Variants in LARGE1 observed in about 807,000 individuals in gnomAD.
The protein encoded by LARGE1 is xylosyl- and glucuronyltransferase LARGE1.
Under a neutral mutation model 87.6 loss-of-function variants are expected in LARGE1, and 43 were observed. The observed-to-expected ratio is 0.49, with a 90% CI of 0.38 to 0.63. The LOEUF (loss-of-function observed/expected upper bound fraction) is 0.63, where lower values mean the gene tolerates loss of function less well. Ranked by LOEUF, LARGE1 falls within the 30% of genes least tolerant of loss-of-function variation. LARGE1 has a pLI of 0.00. For synonymous variants in LARGE1, 434 were observed against 394.6 expected, an observed-to-expected ratio of 1.10 and a Z score of -1.18; for missense variants, 802 against 1,000.2, an observed-to-expected ratio of 0.80 and a Z score of 2.67.
At chr22:33,105,700 A>G in the LARGE1 span, 1 of 152,224 alleles carries the variant, frequency 6.6e-6, no homozygotes, top group African/African-American at 2.4e-5. Context: ...TGTAAGAAAC[A>G]TCCCGTTGCG....
At chr22:33,799,583 G>C (rs772487409) in intron 1 of LARGE1, among the ~76,000 whole-genome samples, 15 of 152,186 alleles carry the variant, frequency 9.9e-5, no homozygotes, top group Middle Eastern at 6.8e-3. Context: ...TGGGATTACA[G>C]GCATGCACCA....
chr22:33,793,861 G>A (rs2085898001), intron 1 of LARGE1, among the ~76,000 whole-genome samples: 2 of 151,770 alleles, frequency 1.3e-5, no homozygotes, highest in Non-Finnish European at 2.9e-5. Context: ...GGTGGTGTGA[G>A]AATCTCTTGC....
chr22:33,874,358 T>A (rs1208335079), intron 1 of LARGE1, among the ~76,000 whole-genome samples: 2 of 152,130 alleles, frequency 1.3e-5, no homozygotes, highest in East Asian at 3.9e-4. Flanking sequence ...CCAGGACACC[T>A]CCTCTTCCAG....
chr22:33,410,332 C>T lies in LARGE1; in HGVS notation c.892+21829G>A, dbSNP rs1335805690. Among the ~76,000 whole-genome samples, 10 of 152,174 alleles carry T rather than the reference C, an allele frequency of 6.6e-5. No homozygotes were observed. The East Asian group carries it at 1.7e-3, about 27-fold the overall frequency. On this transcript the variant is annotated intron_variant, in intron 7 of 14. Transcript: ENST00000397394. ...TAAGTAACTGCTTGATATGGTTTGGCTGTGTCCCCAGCCAAATCGCATCTT... is the reference window on the plus strand; with the variant it reads ...TAAGTAACTGCTTGATATGGTTTGGTTGTGTCCCCAGCCAAATCGCATCTT...
chr22:33,660,382 C>A (rs932490426), intron 2 of LARGE1, among the ~76,000 whole-genome samples: 2 of 152,010 alleles, frequency 1.3e-5, no homozygotes, highest in African/African-American at 4.8e-5. Flanking sequence ...TTTAGAAAAC[C>A]GTCATTGGAG....
In LARGE1 at chr22:33,194,633, G is replaced by T. The variant is rs1923971186; in HGVS notation, c.1731-27801C>A. 2.0e-5 allele frequency among the ~76,000 whole-genome samples: 3 copies of T among 152,104 alleles called. No homozygotes were observed. In the South Asian group the frequency reaches 6.2e-4, roughly 32 times the overall value. ...TCTTGCAGTCTCTACTAAGATTAAGGGTCAAAACTGGGCCTTGGAAGTAGA... is the reference window on the plus strand; with the variant it reads ...TCTTGCAGTCTCTACTAAGATTAAGTGTCAAAACTGGGCCTTGGAAGTAGA... On this transcript the variant is annotated intron_variant, in intron 11 of 11. Transcript: ENST00000608642.
intron 11 of LARGE1, among the ~76,000 whole-genome samples, chr22:33,258,193 G>A (rs1223266359): frequency 6.6e-6 from 1 of 152,084 alleles, no homozygotes; most frequent in Non-Finnish European, 1.5e-5. Context: ...ACCACGCCCG[G>A]CTAATTTTTG....
At chr22:33,260,450 C>T (rs1298195256) in intron 11 of LARGE1, among the ~76,000 whole-genome samples, 1 of 152,260 alleles carries the variant, frequency 6.6e-6, no homozygotes, top group Non-Finnish European at 1.5e-5. Flanking sequence ...CTGACCTGAG[C>T]TGACAGCTCC....
intron 10 of LARGE1, among the ~76,000 whole-genome samples, chr22:33,328,347 T>C (rs8142819): frequency 0.44 from 66,959 of 151,846 alleles, 15,868 homozygotes; most frequent in African/African-American, 0.63. Flanking sequence ...TTTGGGAGGC[T>C]GAGGTGGGTG....
At position 33,332,943 on chromosome 22, in the gene LARGE1, A is replaced by G. The variant is rs1261428123; in HGVS notation, c.1287+4703T>C. Among the ~76,000 whole-genome samples the G allele has an allele frequency of 2.6e-5, 4 of 151,586 alleles. No individual in the cohort carries two copies. In the East Asian group the frequency reaches 7.8e-4, roughly 29 times the overall value. On this transcript the variant is annotated intron_variant, in intron 10 of 14. Transcript: ENST00000397394. ...ACAAAACAATCCATCTGCTCTCTCC[A>G]TTCCCACCGCAACTGTCCTAGAGAT...
intron 4 of LARGE1, among the ~76,000 whole-genome samples, chr22:33,609,559 A>C (rs2079367783): frequency 6.6e-6 from 1 of 152,206 alleles, no homozygotes; most frequent in Admixed American, 6.5e-5. Context: ...AGGGAAGTGC[A>C]GTTGACCGTT....
chr22:33,351,341 G>C (rs1406494637), intron 9 of LARGE1, among the ~76,000 whole-genome samples: 1 of 152,226 alleles, frequency 6.6e-6, no homozygotes, highest in African/African-American at 2.4e-5. Flanking sequence ...ATGATATGGT[G>C]GCATGGCGCT....
chr22:33,497,071 C>CTTTTTTTTT (rs5845088), intron 6 of LARGE1, among the ~76,000 whole-genome samples: 2 of 133,930 alleles, frequency 1.5e-5, no homozygotes, highest in Non-Finnish European at 3.2e-5. Context: ...CTTTTCTTTT[C>CTTTTTTTTT]TTTTTTTTTT....
intron 7 of LARGE1, among the ~76,000 whole-genome samples, chr22:33,410,216 T>C (rs1450566337): frequency 1.3e-5 from 2 of 152,168 alleles, no homozygotes; most frequent in Non-Finnish European, 2.9e-5. Context: ...CAAGTACTAC[T>C]GTAAATTTAG....
In LARGE1 at chr22:33,523,433, T is replaced by C. The variant is rs368233598; in HGVS notation, c.787+41415A>G. 3.2e-4 allele frequency among the ~76,000 whole-genome samples: 49 copies of C among 152,342 alleles called. No individual in the cohort carries two copies. The East Asian group carries it at 7.7e-3, about 24-fold the overall frequency. ...CTCTGTGAACTGTGTGTTGATACTC[T>C]GTACCCATGGTTACTTGTCTTTTAA... On this transcript the variant is annotated intron_variant, in intron 6 of 14. Coordinates refer to ENST00000397394, the MANE Select transcript of LARGE1 (RefSeq NM_133642.5).
chr22:33,194,935 C>A (rs1417575227), intron 11 of LARGE1, among the ~76,000 whole-genome samples: 2 of 152,202 alleles, frequency 1.3e-5, no homozygotes, highest in Admixed American at 6.5e-5. Context: ...AATCTCTAGA[C>A]AACTCATTGC....
chr22:33,894,329 C>T (rs973992153), intron 1 of LARGE1, among the ~76,000 whole-genome samples: 8 of 152,164 alleles, frequency 5.3e-5, no homozygotes, highest in Non-Finnish European at 1.0e-4. Flanking sequence ...GGATCCCAGA[C>T]ATCAGCATCA....
At chr22:33,839,759 A>C (rs2063218850) in intron 1 of LARGE1, among the ~76,000 whole-genome samples, 1 of 152,224 alleles carries the variant, frequency 6.6e-6, no homozygotes, top group Non-Finnish European at 1.5e-5. Flanking sequence ...CGTTTACATG[A>C]AATAAAAAAA....
intron 9 of LARGE1, among the ~76,000 whole-genome samples, chr22:33,358,503 T>A (rs75180672): frequency 0.076 from 11,532 of 152,232 alleles, 518 homozygotes; most frequent in South Asian, 0.14. Flanking sequence ...ATAAAATGTT[T>A]CAATGCTTGA....
Sources: gnomAD v4.1 joint callset for allele counts (sites outside exome capture counted in the v4.1 genomes callset) on GRCh38, gnomAD v4.1.1 for gene constraint, MANE v1.5 for transcripts, NCBI Gene and HGNC (gene_info 2026-07-23, HGNC 2026-07-21) for gene names.